The following TMEM108 variants were observed in gnomAD, a reference collection of about 807,000 sequenced individuals.
TMEM108 encodes the protein transmembrane protein 108.
In TMEM108, 12 loss-of-function variants were observed where a neutral mutation model predicts 35.1. The ratio of observed to expected loss-of-function variants is 0.34; its 90% CI spans 0.22 to 0.55. The LOEUF is 0.55. Ranked by LOEUF, TMEM108 falls within the 20% of genes least tolerant of loss-of-function variation. The pLI is 0.89. For synonymous variants in TMEM108, 287 were observed against 308.6 expected, an observed-to-expected ratio of 0.93 and a Z score of 0.73; for missense variants, 680 against 753.3, an observed-to-expected ratio of 0.90 and a Z score of 1.14.
At chr3:133,395,818 T>C in intron 5 of TMEM108, 46 bp from the exon 6 acceptor site, 1 of 1,490,742 alleles carries the variant, frequency 6.7e-7, no homozygotes, top group Admixed American at 2.3e-5. Context: ...TGGCCACCTC[T>C]TAAGCCTTCT....
chr3:133,300,820 T>C (rs1947211575), intron 3 of TMEM108, among the ~76,000 whole-genome samples: 4 of 151,852 alleles, frequency 2.6e-5, no homozygotes, highest in Admixed American at 1.3e-4. Flanking sequence ...TCTGGTTTGG[T>C]GGATTTGCAC....
chr3:133,181,879 T>G (rs915834003), intron 2 of TMEM108, among the ~76,000 whole-genome samples: 1 of 152,228 alleles, frequency 6.6e-6, no homozygotes, highest in African/African-American at 2.4e-5. Context: ...AAAATTAAAC[T>G]TCAGCTTTTA....
chr3:133,206,114 C>G (rs987903450), intron 2 of TMEM108, among the ~76,000 whole-genome samples: 1 of 152,192 alleles, frequency 6.6e-6, no homozygotes. Flanking sequence ...CTGTATGCAT[C>G]ACGAAGTTCT....
intron 2 of TMEM108, among the ~76,000 whole-genome samples, chr3:133,216,230 A>G (rs1318550148): frequency 6.6e-6 from 1 of 152,082 alleles, no homozygotes; most frequent in African/African-American, 2.4e-5. Context: ...TTAGTGTTCT[A>G]TGAAATTGAG....
At chr3:133,134,563 C>T (rs1944538275) in intron 2 of TMEM108, among the ~76,000 whole-genome samples, 1 of 151,768 alleles carries the variant, frequency 6.6e-6, no homozygotes, top group Admixed American at 6.6e-5. Context: ...TATTTCTTTC[C>T]CCCTCTCTTC....
chr3:133,075,319 C>T (rs777972311), intron 2 of TMEM108, among the ~76,000 whole-genome samples: 4 of 152,188 alleles, frequency 2.6e-5, no homozygotes, highest in African/African-American at 7.2e-5. Context: ...TACCAGACTT[C>T]GCTCTACTAG....
Position 133,126,424 on chromosome 3 carries a change from G to A in TMEM108, c.-47+80404G>A, listed in dbSNP as rs144882421. Among the ~76,000 whole-genome samples, 419 of 150,762 alleles carry A rather than the reference G, an allele frequency of 2.8e-3. 3 individuals carry two copies. The highest frequency in any genetic ancestry group is 9.6e-3 in the African/African-American group (393 of 40,974). ...AGAGGTTGCAGTAAGCCGAGATAGC[G>A]CCACTGCACTCCAGCCTGGGCAACA... On this transcript the variant is annotated intron_variant, in intron 2 of 5. Transcript: ENST00000321871.
chr3:133,049,349 G>A (rs1228845679), intron 2 of TMEM108, among the ~76,000 whole-genome samples: 3 of 152,138 alleles, frequency 2.0e-5, no homozygotes, highest in African/African-American at 7.2e-5. Flanking sequence ...CAAGTGCTCT[G>A]TACCCACTTG....
chr3:133,282,014 G>A (rs1333209701), intron 3 of TMEM108, among the ~76,000 whole-genome samples: 1 of 152,084 alleles, frequency 6.6e-6, no homozygotes, highest in Non-Finnish European at 1.5e-5. Context: ...AAAATTAGCT[G>A]GGCATGGTGG....
chr3:133,177,111 A>G, intron 2 of TMEM108, among the ~76,000 whole-genome samples: 1 of 152,064 alleles, frequency 6.6e-6, no homozygotes, highest in African/African-American at 2.4e-5. Context: ...CCAAGACTAA[A>G]CCAGGAAGAA....
intron 3 of TMEM108, among the ~76,000 whole-genome samples, chr3:133,254,096 G>A (rs910868584): frequency 6.6e-6 from 1 of 152,166 alleles, no homozygotes; most frequent in Non-Finnish European, 1.5e-5. Context: ...CCTGTGCTTT[G>A]GGAGGCTAAG....
At chr3:133,159,213 T>C (rs1379572596) in intron 2 of TMEM108, among the ~76,000 whole-genome samples, 1 of 152,244 alleles carries the variant, frequency 6.6e-6, no homozygotes, top group Non-Finnish European at 1.5e-5. Context: ...CACCAGTCGA[T>C]AGTGATGAGT....
Position 133,219,797 on chromosome 3 carries a change from C to T in TMEM108, c.-46-9469C>T, listed in dbSNP as rs144517121. ...TGTGTGCTTGAGAAGAATGTGTATTCTGCTGCTCTTAGGTGGAATGTTCTA... is the reference window on the plus strand; with the variant it reads ...TGTGTGCTTGAGAAGAATGTGTATTTTGCTGCTCTTAGGTGGAATGTTCTA... On this transcript the variant is annotated intron_variant, in intron 2 of 5. Transcript: ENST00000321871. Among the ~76,000 whole-genome samples the T allele has an allele frequency of 5.3e-5, 8 of 152,158 alleles. No homozygotes were observed. The East Asian group carries it at 1.5e-3, about 29-fold the overall frequency.
Position 133,380,284 on chromosome 3 carries a change from C to A in TMEM108, c.573C>A (p.Ser191=). 6.2e-7 allele frequency: 1 copy of A among 1,614,126 alleles called. No homozygotes were observed. The highest frequency in any genetic ancestry group is 1.6e-4 in the Middle Eastern group (1 of 6,062). The part of the protein sequence containing the change: ...RPVPPAPGGH[S]RSKEGQRGRN... ...TCCCGCCTGCACCTGGTGGCCACTC[C>A]AGGAGTAAAGAAGGACAGCGAGGAC... is the stretch of plus-strand genomic sequence containing the variant. The change falls in exon 4 of 6, where the codon TCC becomes TCA. Residue 191 remains serine (S), a synonymous_variant. Transcript: ENST00000321871. The surrounding 1 kb of genome is among the most constrained non-coding windows in gnomAD (Gnocchi z 5.3).
intron 3 of TMEM108, among the ~76,000 whole-genome samples, chr3:133,332,542 T>C (rs2071408978): frequency 6.6e-6 from 1 of 152,204 alleles, no homozygotes; most frequent in Non-Finnish European, 1.5e-5. Context: ...GGACCCTGGC[T>C]TTTAGGCAGG....
At chr3:133,279,933 ATAT>A (rs1946889557) in intron 3 of TMEM108, among the ~76,000 whole-genome samples, 1 of 152,212 alleles carries the variant, frequency 6.6e-6, no homozygotes, top group Non-Finnish European at 1.5e-5. Flanking sequence ...GTAAAATATA[ATAT>A]TATGCCAACT....
chr3:133,305,211 G>T (rs1947285133), intron 3 of TMEM108, among the ~76,000 whole-genome samples: 1 of 151,910 alleles, frequency 6.6e-6, no homozygotes, highest in East Asian at 1.9e-4. Context: ...CATGTCCTTT[G>T]TAGGGACATG....
chr3:133,077,661 G>A (rs1414408238), intron 2 of TMEM108, among the ~76,000 whole-genome samples: 1 of 152,190 alleles, frequency 6.6e-6, no homozygotes, highest in Non-Finnish European at 1.5e-5. Flanking sequence ...AGAAATGAAA[G>A]CACTTTCCCT....
At chr3:133,374,527 T>C (rs907847019) in intron 3 of TMEM108, among the ~76,000 whole-genome samples, 3 of 144,386 alleles carry the variant, frequency 2.1e-5, no homozygotes, top group African/African-American at 7.8e-5. Flanking sequence ...TATATGTGTG[T>C]ATATATAATT....
Sources: gnomAD v4.1 joint callset for allele counts (sites outside exome capture counted in the v4.1 genomes callset) on GRCh38, gnomAD v4.1.1 for gene constraint, Gnocchi (gnomAD v3.1) non-coding constraint, MANE v1.5 for transcripts, NCBI Gene and HGNC (gene_info 2026-07-23, HGNC 2026-07-21) for gene names.